The following ANO2 variants were observed in gnomAD, a reference collection of about 807,000 sequenced individuals.
The protein encoded by ANO2 is anoctamin-2.
ANO2 carries 101 observed loss-of-function variants against 124.2 expected under a neutral mutation model. The observed-to-expected ratio is 0.81, with a 90% CI of 0.69 to 0.96. The LOEUF (loss-of-function observed/expected upper bound fraction) is 0.96. Ranked by LOEUF, ANO2 falls within the 40% of genes least tolerant of loss-of-function variation. ANO2 has a pLI of 0.00. For synonymous variants in ANO2, 486 were observed against 482.5 expected (o/e 1.01, Z -0.09); for missense variants, 1,293 against 1,274.5 (o/e 1.01, Z -0.22).
chr12:5,580,958 CCAA>C lies in ANO2; in HGVS notation c.2234-2443_2234-2441del, dbSNP rs1260830811. On this transcript the variant is annotated intron_variant, in intron 20 of 24. Transcript: ENST00000682330. The stretch of plus-strand genomic sequence containing the variant: ...AGTGATCACCTGACTAGCTGGCTGG[CCAA>C]CAACGATTGGAGGGTGGTGGAGAAA... Among the ~76,000 whole-genome samples, 5 of 152,248 alleles carry C rather than the reference CCAA, an allele frequency of 3.3e-5. No individual in the cohort carries two copies. The East Asian group carries it at 7.7e-4, about 23-fold the overall frequency.
chr12:5,770,596 T>A (rs1376301241), intron 10 of ANO2, among the ~76,000 whole-genome samples: 1 of 152,134 alleles, frequency 6.6e-6, no homozygotes, highest in Non-Finnish European at 1.5e-5. Flanking sequence ...TCCAACCATG[T>A]GTCACCATCT....
intron 10 of ANO2, among the ~76,000 whole-genome samples, chr12:5,781,854 C>T (rs1952407163): frequency 6.6e-6 from 1 of 152,152 alleles, no homozygotes; most frequent in African/African-American, 2.4e-5. Context: ...ATCATTGGAA[C>T]TTGTTTTATA....
chr12:5,811,357 G>A (rs1259983447), intron 7 of ANO2, among the ~76,000 whole-genome samples: 2 of 152,198 alleles, frequency 1.3e-5, no homozygotes, highest in Admixed American at 6.5e-5. Flanking sequence ...TTACTTAAAT[G>A]CCTTTAATCC....
chr12:5,720,097 T>G (rs2137050576), intron 14 of ANO2, among the ~76,000 whole-genome samples: 1 of 152,296 alleles, frequency 6.6e-6, no homozygotes, highest in Middle Eastern at 3.4e-3. Flanking sequence ...CTGCAATGAT[T>G]TGGACAGTAA....
At chr12:5,696,383 T>TA (rs1949176737) in intron 14 of ANO2, among the ~76,000 whole-genome samples, 1 of 152,174 alleles carries the variant, frequency 6.6e-6, no homozygotes, top group East Asian at 1.9e-4. Flanking sequence ...TTCATACCAA[T>TA]AACTTGAAAA....
chr12:5,593,586 G>A (rs544327930), intron 20 of ANO2, among the ~76,000 whole-genome samples: 6 of 152,300 alleles, frequency 3.9e-5, no homozygotes, highest in African/African-American at 9.6e-5. Context: ...ACCGTATTCA[G>A]GAGCTTCAAA....
intron 18 of ANO2, 67 bp downstream of exon 18, chr12:5,612,834 C>T (rs1944612048): frequency 6.2e-7 from 1 of 1,609,354 alleles, no homozygotes; most frequent in African/African-American, 1.3e-5. Context: ...TGAAGCCATG[C>T]TGTGCTGGAG....
chr12:5,921,770 G>A (rs911039145), intron 2 of ANO2, among the ~76,000 whole-genome samples: 3 of 151,974 alleles, frequency 2.0e-5, no homozygotes, highest in African/African-American at 7.3e-5. Context: ...TTGTCTCCCT[G>A]CACCAGCACT....
At chr12:5,641,907 A>G (rs58938481) in intron 15 of ANO2, among the ~76,000 whole-genome samples, 3,442 of 152,214 alleles carry the variant, frequency 0.023, 134 homozygotes, top group African/African-American at 0.079. Context: ...AAAAGAAAAA[A>G]CTTAGAACTT....
At chr12:5,797,232 G>A (rs950352576) in intron 10 of ANO2, among the ~76,000 whole-genome samples, 1 of 152,222 alleles carries the variant, frequency 6.6e-6, no homozygotes, top group Non-Finnish European at 1.5e-5. Flanking sequence ...CTGCAGGCAG[G>A]TGGGCCCCGA....
rs1200219562 is a variant in ANO2, at chr12:5,635,672, A to G, written c.1621-325T>C. Among the ~76,000 whole-genome samples, 1 of 151,992 alleles carries G rather than the reference A, an allele frequency of 6.6e-6. No individual in the cohort carries two copies. The highest frequency in any genetic ancestry group is 1.5e-5 in the Non-Finnish European group (1 of 68,000). On this transcript the variant is annotated intron_variant, in intron 15 of 24. Transcript: ENST00000682330. The surrounding 1 kb of genome is among the most constrained non-coding windows in gnomAD (Gnocchi z 5.2). ...GGACCCTGTGGAGTGTTCAACACAC[A>G]TGACGCAATTTCTTTCATTAGGGAG... is the stretch of plus-strand genomic sequence containing the variant.
chr12:5,588,173 G>A (rs529518957), intron 20 of ANO2, among the ~76,000 whole-genome samples: 8 of 151,674 alleles, frequency 5.3e-5, no homozygotes, highest in South Asian at 2.1e-4. Context: ...CTTCTGGAAC[G>A]GGGGAGGTCT....
At position 5,908,520 on chromosome 12, in the gene ANO2, G is replaced by T. The variant is rs1357172402; in HGVS notation, c.534+12520C>A. 6.6e-6 allele frequency among the ~76,000 whole-genome samples: 1 copy of T among 152,216 alleles called. No homozygotes were observed. The highest frequency in any genetic ancestry group is 2.1e-4 in the South Asian group (1 of 4,828). The stretch of plus-strand genomic sequence containing the variant: ...ACTGCTGGCCACAGTGGAGTGGTTT[G>T]CAGTAGCCGAGACTCCCAACCCAGT... On this transcript the variant is annotated intron_variant, in intron 3 of 24. Transcript: ENST00000682330. The surrounding 1 kb of genome is among the most constrained non-coding windows in gnomAD (Gnocchi z 4.7).
chr12:5,945,782 G>C (rs376305214), upstream of ANO2, among the ~76,000 whole-genome samples: 2 of 152,218 alleles, frequency 1.3e-5, no homozygotes, highest in East Asian at 3.9e-4. Flanking sequence ...CCTAGGTTAA[G>C]CAGAACAAAA....
At chr12:5,796,049 G>A (rs766223287) in intron 10 of ANO2, among the ~76,000 whole-genome samples, 26 of 152,122 alleles carry the variant, frequency 1.7e-4, no homozygotes, top group Non-Finnish European at 3.1e-4. Flanking sequence ...GTGCCCAGGA[G>A]GTCTTCTGGA....
At chr12:5,821,061 CGT>C (rs1247002203) in intron 7 of ANO2, among the ~76,000 whole-genome samples, 1 of 152,216 alleles carries the variant, frequency 6.6e-6, no homozygotes, top group African/African-American at 2.4e-5. Flanking sequence ...AGACCTTGAT[CGT>C]TTTTCGCTTC....
At chr12:5,764,070 G>C (rs1014007928) in intron 10 of ANO2, among the ~76,000 whole-genome samples, 5 of 152,076 alleles carry the variant, frequency 3.3e-5, no homozygotes, top group Non-Finnish European at 7.4e-5. Flanking sequence ...CTCTGGAAGA[G>C]GAAAAATGAT....
chr12:5,700,385 A>G (rs1949354014), intron 14 of ANO2, among the ~76,000 whole-genome samples: 1 of 152,256 alleles, frequency 6.6e-6, no homozygotes, highest in Non-Finnish European at 1.5e-5. Context: ...ATGTTCTTTG[A>G]AACCAATGAG....
intron 3 of ANO2, among the ~76,000 whole-genome samples, chr12:5,894,523 G>A (rs1049530289): frequency 1.3e-5 from 2 of 152,112 alleles, no homozygotes; most frequent in African/African-American, 2.4e-5. Flanking sequence ...TCTGGCTTTT[G>A]TGGCCAAAAG....
Sources: gnomAD v4.1 joint callset for allele counts (sites outside exome capture counted in the v4.1 genomes callset) on GRCh38, gnomAD v4.1.1 for gene constraint, Gnocchi (gnomAD v3.1) non-coding constraint, MANE v1.5 for transcripts, NCBI Gene and HGNC (gene_info 2026-07-23, HGNC 2026-07-21) for gene names.